The following CNTN4 variants were observed in gnomAD, a reference collection of about 807,000 sequenced individuals.
CNTN4 encodes contactin-4.
In CNTN4, 77 loss-of-function variants were observed where a neutral mutation model predicts 122.5. The observed-to-expected ratio is 0.63, with a 90% CI of 0.52 to 0.76. The LOEUF (loss-of-function observed/expected upper bound fraction) is 0.76, where lower values mean the gene tolerates loss of function less well. Ranked by LOEUF, CNTN4 falls within the 30% of genes least tolerant of loss-of-function variation. The probability of loss-of-function intolerance (pLI) is 0.00; values close to 1 mark genes in which losing one functional copy is unlikely to be tolerated. For missense variants in CNTN4, 1,256 were observed against 1,259.1 expected, an observed-to-expected ratio of 1.00 and a Z score of 0.04; for synonymous variants, 512 against 447.0, an observed-to-expected ratio of 1.15 and a Z score of -1.83.
At chr3:2,921,564 A>G (rs972856266) in intron 12 of CNTN4, among the ~76,000 whole-genome samples, 1 of 152,254 alleles carries the variant, frequency 6.6e-6, no homozygotes, top group African/African-American at 2.4e-5. Context: ...TAAAGAAAGT[A>G]GACAACGGTT....
chr3:2,498,111 T>C (rs1337493423), intron 3 of CNTN4, among the ~76,000 whole-genome samples: 2 of 152,226 alleles, frequency 1.3e-5, no homozygotes, highest in African/African-American at 4.8e-5. Flanking sequence ...TACTACTTAA[T>C]TTCATCTTTA....
At position 2,482,679 on chromosome 3, in the gene CNTN4, C is replaced by T. The variant is rs150847330; in HGVS notation, c.-88-88737C>T. On this transcript the variant is annotated intron_variant, in intron 3 of 24. Coordinates refer to ENST00000418658, the MANE Select transcript of CNTN4 (RefSeq NM_175607.3). ...ATGGTGCCCTGCATCCCAGCCACTC[C>T]GGCCGTGGCTAAAAGGGGCCAAGGT... Among the ~76,000 whole-genome samples, 440 of 152,286 alleles carry T rather than the reference C, an allele frequency of 2.9e-3. 2 individuals are homozygous for T. The highest frequency in any genetic ancestry group is 0.01 in the African/African-American group (425 of 41,562).
chr3:2,389,650 G>C (rs1472082306), intron 3 of CNTN4, among the ~76,000 whole-genome samples: 1 of 151,946 alleles, frequency 6.6e-6, no homozygotes, highest in Non-Finnish European at 1.5e-5. Flanking sequence ...TGAGAAAATG[G>C]ATCTTATCTA....
intron 6 of CNTN4, among the ~76,000 whole-genome samples, chr3:2,761,985 T>C (rs1242343889): frequency 6.6e-6 from 1 of 152,166 alleles, no homozygotes; most frequent in East Asian, 1.9e-4. Flanking sequence ...CATAAATATT[T>C]AATGAATACC....
chr3:2,420,763 T>C (rs2047585456), intron 3 of CNTN4, among the ~76,000 whole-genome samples: 1 of 152,110 alleles, frequency 6.6e-6, no homozygotes, highest in African/African-American at 2.4e-5. Context: ...TTCAATCCCC[T>C]TGTCATTTCC....
intron 2 of CNTN4, among the ~76,000 whole-genome samples, chr3:2,311,731 G>T (rs1017340090): frequency 2.6e-5 from 4 of 152,024 alleles, no homozygotes; most frequent in African/African-American, 9.7e-5. Context: ...TCAAGGAAAG[G>T]CTTATGCACA....
intron 4 of CNTN4, among the ~76,000 whole-genome samples, chr3:2,676,954 A>G (rs1045831930): frequency 3.3e-5 from 5 of 152,144 alleles, no homozygotes; most frequent in Non-Finnish European, 7.3e-5. Flanking sequence ...AGACTTTTCA[A>G]TCTGTAAATG....
chr3:2,122,138 G>C (rs1312830318), intron 2 of CNTN4, among the ~76,000 whole-genome samples: 4 of 146,472 alleles, frequency 2.7e-5, no homozygotes, highest in African/African-American at 5.0e-5. Context: ...CTGGGCGACA[G>C]AGCGACACTC....
At chr3:2,305,768 G>A (rs1158053998) in intron 2 of CNTN4, among the ~76,000 whole-genome samples, 1 of 151,972 alleles carries the variant, frequency 6.6e-6, no homozygotes, top group Admixed American at 6.6e-5. Flanking sequence ...GGAAACCCAG[G>A]ACCCATTAGC....
chr3:2,519,044 C>T (rs1197687158), intron 3 of CNTN4, among the ~76,000 whole-genome samples: 1 of 152,090 alleles, frequency 6.6e-6, no homozygotes, highest in Non-Finnish European at 1.5e-5. Flanking sequence ...GTACAGAATA[C>T]CCTTGGTTTT....
chr3:2,335,901 G>C (rs756434204), intron 2 of CNTN4, among the ~76,000 whole-genome samples: 13 of 152,068 alleles, frequency 8.5e-5, no homozygotes, highest in Non-Finnish European at 1.5e-4. Context: ...AAGACTATAC[G>C]TTGGATCCAT....
intron 14 of CNTN4, among the ~76,000 whole-genome samples, chr3:3,023,379 C>A (rs950708961): frequency 6.6e-6 from 1 of 152,190 alleles, no homozygotes; most frequent in African/African-American, 2.4e-5. Context: ...ATCCTTGACT[C>A]AGGGAACTTC....
At chr3:2,474,638 C>T (rs1485731001) in intron 3 of CNTN4, among the ~76,000 whole-genome samples, 1 of 152,126 alleles carries the variant, frequency 6.6e-6, no homozygotes, top group Non-Finnish European at 1.5e-5. Context: ...CAGTCTCACA[C>T]CCTATTAAGA....
chr3:2,820,800 C>A (rs2092847059), intron 7 of CNTN4, among the ~76,000 whole-genome samples: 1 of 151,742 alleles, frequency 6.6e-6, no homozygotes. Flanking sequence ...ATCACAGGAT[C>A]AGACCAAGAA....
intron 3 of CNTN4, among the ~76,000 whole-genome samples, chr3:2,465,273 C>G (rs1369204782): frequency 6.6e-6 from 1 of 152,124 alleles, no homozygotes. Flanking sequence ...ACTAACTGTT[C>G]ATCAATTTAG....
At chr3:2,319,661 T>C (rs1165814996) in intron 2 of CNTN4, among the ~76,000 whole-genome samples, 1 of 152,220 alleles carries the variant, frequency 6.6e-6, no homozygotes, top group African/African-American at 2.4e-5. Context: ...ACTGTAAGAA[T>C]AATGCATATA....
intron 2 of CNTN4, among the ~76,000 whole-genome samples, chr3:2,324,883 T>G (rs748267006): frequency 2.0e-5 from 3 of 152,070 alleles, no homozygotes; most frequent in Non-Finnish European, 2.9e-5. Context: ...GCAGAGATGC[T>G]TTATTTAGTA....
At chr3:3,047,582 GAACA>G (rs1700795123) in intron 23 of CNTN4, among the ~76,000 whole-genome samples, 1 of 145,058 alleles carries the variant, frequency 6.9e-6, no homozygotes, top group African/African-American at 2.6e-5. Context: ...AAACCAACGA[GAACA>G]AAGACACAAC....
At chr3:2,378,161 A>G (rs775459897) in intron 3 of CNTN4, among the ~76,000 whole-genome samples, 13 of 152,222 alleles carry the variant, frequency 8.5e-5, no homozygotes, top group African/African-American at 1.2e-4. Context: ...CCCAACATAC[A>G]TTGGCTCAAC....
Sources: allele counts gnomAD v4.1 joint callset (sites outside exome capture counted in the v4.1 genomes callset), GRCh38; gene constraint gnomAD v4.1.1; transcripts MANE v1.5; gene names NCBI Gene and HGNC (gene_info 2026-07-23, HGNC 2026-07-21).